The following AGAP1 variants were observed in gnomAD, a reference collection of about 807,000 sequenced individuals.
The protein encoded by AGAP1 is arf-GAP with GTPase, ANK repeat and PH domain-containing protein 1.
AGAP1 carries 29 observed loss-of-function variants against 105.3 expected under a neutral mutation model. The observed-to-expected ratio is 0.28, with a 90% CI of 0.21 to 0.38. The LOEUF (loss-of-function observed/expected upper bound fraction) is 0.38, where lower values mean the gene tolerates loss of function less well. AGAP1 is among the 10% of genes least tolerant of loss of function. The pLI is 1.00. For synonymous variants in AGAP1, 509 were observed against 485.9 expected, an observed-to-expected ratio of 1.05 and a Z score of -0.63; for missense variants, 998 against 1,165.1, an observed-to-expected ratio of 0.86 and a Z score of 2.09.
rs1952070355 is a variant in AGAP1, at chr2:235,733,543, T to G, written c.311-7420T>G. 6.6e-6 allele frequency among the ~76,000 whole-genome samples: 1 copy of G among 152,214 alleles called. No individual in the cohort carries two copies. Among genetic ancestry groups the G allele is most frequent in the Admixed American group, 6.5e-5 (1 of 15,284 alleles). On this transcript the variant is annotated intron_variant, in intron 3 of 17. Coordinates refer to ENST00000304032, the MANE Select transcript of AGAP1 (RefSeq NM_001037131.3). The surrounding 1 kb of genome is among the most constrained non-coding windows in gnomAD (Gnocchi z 5.0). ...GCTTTAATGTTTCCCCCTTGTTTTA[T>G]TAGGAAAGGAGGAAAGGAAATTCAG... is the stretch of plus-strand genomic sequence containing the variant.
intron 9 of AGAP1, among the ~76,000 whole-genome samples, chr2:235,815,161 C>T (rs918747625): frequency 6.6e-6 from 1 of 152,192 alleles, no homozygotes; most frequent in East Asian, 1.9e-4. Flanking sequence ...GGGGCGTGCC[C>T]AGCAGCCCCA....
Position 235,957,650 on chromosome 2 carries a change from G to A in AGAP1, c.1484-10812G>A, listed in dbSNP as rs1278750060. Among the ~76,000 whole-genome samples the A allele has an allele frequency of 6.6e-6, 1 of 152,210 alleles. No homozygotes were observed. The highest frequency in any genetic ancestry group is 2.4e-5 in the African/African-American group (1 of 41,454). On this transcript the variant is annotated intron_variant, in intron 12 of 17. Coordinates refer to ENST00000304032, the MANE Select transcript of AGAP1 (RefSeq NM_001037131.3). The surrounding 1 kb of genome is among the most constrained non-coding windows in gnomAD (Gnocchi z 4.6). ...ACACTCACCTTTTAACAGAGACCCA[G>A]GATGTTGTGATTTCCTTGGATGGCA...
In AGAP1 at chr2:235,983,303, G is replaced by A. The variant is rs1412026754; in HGVS notation, c.1645+14680G>A. On this transcript the variant is annotated intron_variant, in intron 13 of 17. Coordinates refer to ENST00000304032, the MANE Select transcript of AGAP1 (RefSeq NM_001037131.3). This position sits in a 1 kb window ranked among gnomAD's most constrained non-coding sequence, Gnocchi z 4.5. ...CCACCGGGGCAGGGGTCTGGGCAAG[G>A]GGCTTCTCCCCTTGCTAGGCCCCCT... Among the ~76,000 whole-genome samples the A allele has an allele frequency of 2.0e-5, 3 of 152,134 alleles. No individual in the cohort carries two copies. The highest frequency in any genetic ancestry group is 2.9e-5 in the Non-Finnish European group (2 of 68,034).
chr2:235,738,902 C>T (rs1952412942), intron 3 of AGAP1, among the ~76,000 whole-genome samples: 2 of 152,224 alleles, frequency 1.3e-5, no homozygotes, highest in Admixed American at 1.3e-4. Flanking sequence ...ATTCACATCA[C>T]CAAGATACAG....
intron 1 of AGAP1, among the ~76,000 whole-genome samples, chr2:235,501,566 A>G (rs981580004): frequency 2.6e-5 from 4 of 152,216 alleles, no homozygotes. Context: ...CTTCAAAACA[A>G]AACCTGCAGC....
At chr2:236,032,472 A>G (rs1231629062) in intron 13 of AGAP1, among the ~76,000 whole-genome samples, 1 of 152,190 alleles carries the variant, frequency 6.6e-6, no homozygotes, top group Non-Finnish European at 1.5e-5. Flanking sequence ...CAGGTGCTCC[A>G]GAAAGAGGGG....
chr2:236,054,480 TAA>T (rs10560456), intron 16 of AGAP1, among the ~76,000 whole-genome samples: 31,246 of 112,422 alleles, frequency 0.28, 3,692 homozygotes, highest in South Asian at 0.4. Context: ...TTTTCTTTCT[TAA>T]AAAAAAAAAA....
chr2:235,548,156 A>G (rs939952071), intron 1 of AGAP1, among the ~76,000 whole-genome samples: 2 of 152,192 alleles, frequency 1.3e-5, no homozygotes, highest in Non-Finnish European at 2.9e-5. Flanking sequence ...TAGGGCAGAG[A>G]GCTAAGTCAA....
chr2:235,669,275 T>C (rs979764907), intron 1 of AGAP1, among the ~76,000 whole-genome samples: 1 of 152,168 alleles, frequency 6.6e-6, no homozygotes, highest in Non-Finnish European at 1.5e-5. Flanking sequence ...AGACTGTTTT[T>C]TAAACAAGTC....
chr2:236,069,246 TGTC>T (rs1399415317), intron 16 of AGAP1, among the ~76,000 whole-genome samples: 1 of 152,194 alleles, frequency 6.6e-6, no homozygotes, highest in Non-Finnish European at 1.5e-5. Context: ...TACATGATTT[TGTC>T]GTGTACACGT....
At chr2:235,844,337 C>T (rs1322749216) in intron 9 of AGAP1, among the ~76,000 whole-genome samples, 1 of 152,184 alleles carries the variant, frequency 6.6e-6, no homozygotes, top group Non-Finnish European at 1.5e-5. Context: ...CAGCTCCCAC[C>T]CACAGGGGCA....
intron 1 of AGAP1, among the ~76,000 whole-genome samples, chr2:235,672,086 C>G (rs971331716): frequency 6.6e-6 from 1 of 152,054 alleles, no homozygotes; most frequent in Non-Finnish European, 1.5e-5. Context: ...TATCTGAATT[C>G]TTTAACTTGG....
rs1958320857 is a variant in AGAP1, at chr2:235,814,186, T to G, written c.1050+6855T>G. Among the ~76,000 whole-genome samples the G allele has an allele frequency of 1.3e-5, 2 of 152,242 alleles. 1 individual carries two copies. Among genetic ancestry groups the G allele is most frequent in the South Asian group, 4.1e-4 (2 of 4,832 alleles). On this transcript the variant is annotated intron_variant, in intron 9 of 17. Coordinates refer to ENST00000304032, the MANE Select transcript of AGAP1 (RefSeq NM_001037131.3). ...ACTGGAATGCCTGTCCTCGCCTATG[T>G]CTGTGGGCACAGGCCCAAGGGCGGA... is the stretch of plus-strand genomic sequence containing the variant.
chr2:236,092,916 G>A lies in AGAP1; in HGVS notation c.2115-27276G>A, dbSNP rs1020571790. On this transcript the variant is annotated intron_variant, in intron 16 of 17. Coordinates refer to ENST00000304032, the MANE Select transcript of AGAP1 (RefSeq NM_001037131.3). The surrounding 1 kb of genome is among the most constrained non-coding windows in gnomAD (Gnocchi z 4.7). ...GCTACCAGGGACCAGGGCAGATGCC[G>A]CAGACAGAAACAGGAGCGGCTCCAG... Among the ~76,000 whole-genome samples, 2 of 152,202 alleles carry A rather than the reference G, an allele frequency of 1.3e-5. No individual in the cohort carries two copies. Among genetic ancestry groups the A allele is most frequent in the African/African-American group, 2.4e-5 (1 of 41,450 alleles).
intron 13 of AGAP1, among the ~76,000 whole-genome samples, chr2:236,006,010 T>C (rs2056310717): frequency 6.6e-6 from 1 of 152,238 alleles, no homozygotes; most frequent in South Asian, 2.1e-4. Flanking sequence ...GGGGTGTCTA[T>C]GTAAATTTTT....
Position 235,724,540 on chromosome 2 carries a change from G to A in AGAP1, c.310+6896G>A, listed in dbSNP as rs1951554390. ...CTCAGGAGCCTGCCAGCGTAGGGCA[G>A]GGGAAGTCAGTGCCCTCCCAGATGG... On this transcript the variant is annotated intron_variant, in intron 3 of 17. Transcript: ENST00000304032. The surrounding 1 kb of genome is among the most constrained non-coding windows in gnomAD (Gnocchi z 4.9). 6.6e-6 allele frequency among the ~76,000 whole-genome samples: 1 copy of A among 152,192 alleles called. No individual in the cohort carries two copies. Among genetic ancestry groups the A allele is most frequent in the African/African-American group, 2.4e-5 (1 of 41,462 alleles).
intron 9 of AGAP1, among the ~76,000 whole-genome samples, chr2:235,873,678 G>C (rs2049555948): frequency 6.6e-6 from 1 of 152,220 alleles, no homozygotes; most frequent in Non-Finnish European, 1.5e-5. Flanking sequence ...GGGAAGGCCA[G>C]TGCCGCTGTC....
intron 2 of AGAP1, among the ~76,000 whole-genome samples, chr2:235,710,347 T>G (rs890429614): frequency 6.6e-6 from 1 of 152,210 alleles, no homozygotes; most frequent in Non-Finnish European, 1.5e-5. Context: ...GTTTTTAAAC[T>G]TAGGAAATGA....
In AGAP1 at chr2:235,754,426, T is replaced by TAAA. The variant is rs71400783; in HGVS notation, c.673+3952_673+3954dup. On this transcript the variant is annotated intron_variant, in intron 6 of 17. Coordinates refer to ENST00000304032, the MANE Select transcript of AGAP1 (RefSeq NM_001037131.3). This position sits in a 1 kb window ranked among gnomAD's most constrained non-coding sequence, Gnocchi z 4.6. Reference sequence around the variant, plus strand: ...TTCTACATAATGTTTGGCTTGTAAATAAAAAAAAAAAAAAAATCCAGCTGC... The same window carrying TAAA: ...TTCTACATAATGTTTGGCTTGTAAATAAAAAAAAAAAAAAAAAAATCCAGCTGC... Among the ~76,000 whole-genome samples, 2 of 136,668 alleles carry TAAA rather than the reference T, an allele frequency of 1.5e-5. No individual in the cohort carries two copies. The highest frequency in any genetic ancestry group is 1.6e-5 in the Non-Finnish European group (1 of 62,484). The allele number at this position is 136,668 out of a possible 152,430, so 89.7% of individuals were successfully genotyped here. A position where few individuals can be genotyped will look rare whatever the true frequency, so the allele number is the denominator to read the frequency against.
Sources: gnomAD v4.1 joint callset for allele counts (sites outside exome capture counted in the v4.1 genomes callset) on GRCh38, gnomAD v4.1.1 for gene constraint, Gnocchi (gnomAD v3.1) non-coding constraint, MANE v1.5 for transcripts, NCBI Gene and HGNC (gene_info 2026-07-23, HGNC 2026-07-21) for gene names.